Variants in GPR139 observed in about 807,000 individuals in gnomAD.
The protein encoded by GPR139 is probable G protein-coupled receptor 139.
Under a neutral mutation model 25.8 loss-of-function variants are expected in GPR139, and 12 were observed. The observed-to-expected ratio is 0.47, with a 90% confidence interval of 0.30 to 0.75. GPR139 has a LOEUF of 0.75. Among genes scored for constraint, GPR139 ranks in the 30% least tolerant of loss-of-function variants. The probability of loss-of-function intolerance (pLI) is 0.07; values close to 1 mark genes in which losing one functional copy is unlikely to be tolerated. For missense variants in GPR139, 380 were observed against 450.2 expected (o/e 0.84, Z 1.41); for synonymous variants, 184 against 179.9 (o/e 1.02, Z -0.18).
chr16:20,073,252 T>TCACACACACACACACACACA lies in GPR139; in HGVS notation c.127+218_127+237dup. ...AGCCCATCGCCCGCCGTCACAGTCA[T>TCACACACACACACACACACA]CACACACACACACACACACACACAC... On this transcript the variant is annotated intron_variant, in intron 1 of 1. Coordinates refer to ENST00000570682, the MANE Select transcript of GPR139 (RefSeq NM_001002911.4). The surrounding 1 kb of genome is among the most constrained non-coding windows in gnomAD (Gnocchi z 4.7). Among the ~76,000 whole-genome samples the TCACACACACACACACACACA allele has an allele frequency of 6.8e-6, 1 of 147,198 alleles. No individual in the cohort carries two copies. The highest frequency in any genetic ancestry group is 2.2e-4 in the South Asian group (1 of 4,562).
intron 1 of GPR139, among the ~76,000 whole-genome samples, chr16:20,059,528 C>T (rs538764831): frequency 6.6e-6 from 1 of 152,330 alleles, no homozygotes; most frequent in East Asian, 1.9e-4. Context: ...AACACCCTTT[C>T]TTGACCACCC....
chr16:20,071,109 C>T (rs2057458262), intron 1 of GPR139: 1 of 461,900 alleles, frequency 2.2e-6, no homozygotes, highest in African/African-American at 2.1e-5. Context: ...CAGCAACATC[C>T]TTACTTCTCA....
chr16:20,065,572 G>T (rs1451014161), intron 1 of GPR139, among the ~76,000 whole-genome samples: 1 of 152,114 alleles, frequency 6.6e-6, no homozygotes, highest in Non-Finnish European at 1.5e-5. Context: ...AATCGTCAAA[G>T]AATCATAAGT....
intron 1 of GPR139, among the ~76,000 whole-genome samples, chr16:20,056,780 C>T (rs2057389722): frequency 6.6e-6 from 1 of 152,162 alleles, no homozygotes; most frequent in Non-Finnish European, 1.5e-5. Flanking sequence ...ATTGAGCCCA[C>T]TTAAGGCTGA....
chr16:20,055,367 A>G (rs932963061), intron 1 of GPR139, among the ~76,000 whole-genome samples: 6 of 152,152 alleles, frequency 3.9e-5, no homozygotes, highest in African/African-American at 1.4e-4. Flanking sequence ...AGAGGTGGGG[A>G]GAATGGTCAC....
chr16:20,032,004 T>G lies in GPR139; in HGVS notation c.793A>C (p.Ile265Leu). ...APIQNRWLVH[I>L]MSDIANMLAL... ...AGCATGTTGGCAATGTCGGACATGA[T>G]GTGTACCAGCCAGCGGTTCTGGATG... is the stretch of plus-strand genomic sequence containing the variant. The change falls in exon 2 of 2, where the codon ATC becomes CTC. Residue 265 changes from isoleucine (I) to leucine (L), a missense_variant. By Grantham distance (5) the Ile-to-Leu change is conservative. Coordinates refer to ENST00000570682, the MANE Select transcript of GPR139 (RefSeq NM_001002911.4). The G allele has an allele frequency of 6.2e-7, 1 of 1,614,176 alleles. No individual in the cohort carries two copies. The highest frequency in any genetic ancestry group is 2.2e-5 in the East Asian group (1 of 44,874).
intron 1 of GPR139, among the ~76,000 whole-genome samples, chr16:20,045,194 T>C (rs1163444586): frequency 1.3e-5 from 2 of 151,980 alleles, no homozygotes; most frequent in Non-Finnish European, 2.9e-5. Flanking sequence ...GAGACAGGGT[T>C]TCACCATGTT....
rs1026150738 is a variant in GPR139, at chr16:20,030,151, G to A, written c.*1584C>T. On this transcript the variant is annotated 3_prime_UTR_variant, in exon 2 of 2. Coordinates refer to ENST00000570682, the MANE Select transcript of GPR139 (RefSeq NM_001002911.4). ...AAGTTTAGGGTTTGTGTTGCCATGGGGCCTTTTCTTATCCCATTCATTTAT... is the reference window on the plus strand; with the variant it reads ...AAGTTTAGGGTTTGTGTTGCCATGGAGCCTTTTCTTATCCCATTCATTTAT... 6.6e-6 allele frequency among the ~76,000 whole-genome samples: 1 copy of A among 152,022 alleles called. No individual in the cohort carries two copies. Among genetic ancestry groups the A allele is most frequent in the African/African-American group, 2.4e-5 (1 of 41,384 alleles).
rs1326504711 is a variant in GPR139, at chr16:20,052,744, G to A, written c.128-20075C>T. On this transcript the variant is annotated intron_variant, in intron 1 of 1. Transcript: ENST00000570682. Reference sequence around the variant, plus strand: ...CCGGGGAGGCGGAGCTTGGGAGATCGCGCCACTGCACTCAAGCCTGGGTGA... The same window carrying A: ...CCGGGGAGGCGGAGCTTGGGAGATCACGCCACTGCACTCAAGCCTGGGTGA... Among the ~76,000 whole-genome samples the A allele has an allele frequency of 9.4e-5, 14 of 148,412 alleles. No individual in the cohort carries two copies. The East Asian group carries it at 2.2e-3, about 23-fold the overall frequency.
chr16:20,046,712 C>T (rs144433530), intron 1 of GPR139, among the ~76,000 whole-genome samples: 1 of 152,180 alleles, frequency 6.6e-6, no homozygotes, highest in African/African-American at 2.4e-5. Context: ...GAGAACGGCA[C>T]TCGAGGATCT....
chr16:20,048,883 C>G (rs948808686), intron 1 of GPR139, among the ~76,000 whole-genome samples: 1 of 152,182 alleles, frequency 6.6e-6, no homozygotes, highest in African/African-American at 2.4e-5. Context: ...ATTTTAGGAG[C>G]CATTGCCTGA....
chr16:20,033,664 A>G (rs1300011094), intron 1 of GPR139, among the ~76,000 whole-genome samples: 1 of 152,146 alleles, frequency 6.6e-6, no homozygotes, highest in Non-Finnish European at 1.5e-5. Flanking sequence ...AGTAAATTAC[A>G]TTTGTTTTTG....
chr16:20,033,273 A>T (rs553926338), intron 1 of GPR139, among the ~76,000 whole-genome samples: 1 of 150,574 alleles, frequency 6.6e-6, no homozygotes, highest in East Asian at 2.0e-4. Flanking sequence ...GTGAGAGGCG[A>T]TGCTGCCATT....
Position 20,073,252 on chromosome 16 carries a change from T to TCACACACA in GPR139, c.127+230_127+237dup, listed in dbSNP as rs71146300. ...AGCCCATCGCCCGCCGTCACAGTCA[T>TCACACACA]CACACACACACACACACACACACAC... On this transcript the variant is annotated intron_variant, in intron 1 of 1. Coordinates refer to ENST00000570682, the MANE Select transcript of GPR139 (RefSeq NM_001002911.4). The surrounding 1 kb of genome is among the most constrained non-coding windows in gnomAD (Gnocchi z 4.7). Among the ~76,000 whole-genome samples, 37 of 147,104 alleles carry TCACACACA rather than the reference T, an allele frequency of 2.5e-4. No homozygotes were observed. The highest frequency in any genetic ancestry group is 7.3e-4 in the African/African-American group (29 of 39,846).
At chr16:20,069,912 TTG>T (rs1462105372) in intron 1 of GPR139, among the ~76,000 whole-genome samples, 2 of 152,140 alleles carry the variant, frequency 1.3e-5, no homozygotes, top group Admixed American at 1.3e-4. Flanking sequence ...CTGACTTATT[TTG>T]TGTGTCTCGA....
rs1255427340 is a variant in GPR139, at chr16:20,073,873, C to T, written c.-257G>A. ...GCGCTGCGCGGGGCCTCGGGAGGGG[C>T]TCCCGGAGCCCGTCTGTGCGCCTCC... On this transcript the variant is annotated 5_prime_UTR_variant, in exon 1 of 2. Transcript: ENST00000570682. The surrounding 1 kb of genome is among the most constrained non-coding windows in gnomAD (Gnocchi z 4.7). 2 of 423,328 alleles carry T rather than the reference C, an allele frequency of 4.7e-6. No homozygotes were observed. The highest frequency in any genetic ancestry group is 9.5e-5 in the Admixed American group (2 of 20,958). 26.2% of individuals were successfully genotyped at this position (423,328 alleles called of 1,614,324 possible). A position where few individuals can be genotyped will look rare whatever the true frequency, so the allele number is the denominator to read the frequency against.
In GPR139 at chr16:20,030,554, T is replaced by G. The variant is rs2057283995; in HGVS notation, c.*1181A>C. ...AAATAAACACACTTATATTTTATCA[T>G]TTTACAAAGGATCTGGGTTAAATAG... On this transcript the variant is annotated 3_prime_UTR_variant, in exon 2 of 2. Coordinates refer to ENST00000570682, the MANE Select transcript of GPR139 (RefSeq NM_001002911.4). Among the ~76,000 whole-genome samples the G allele has an allele frequency of 6.7e-6, 1 of 150,276 alleles. No individual in the cohort carries two copies. The highest frequency in any genetic ancestry group is 2.1e-4 in the South Asian group (1 of 4,696).
At chr16:20,058,334 A>AGTGTGT (rs56090244) in intron 1 of GPR139, among the ~76,000 whole-genome samples, 1 of 149,788 alleles carries the variant, frequency 6.7e-6, no homozygotes, top group South Asian at 2.1e-4. Context: ...ATGGATGTGG[A>AGTGTGT]GTGTGTGTGT....
chr16:20,039,130 T>C (rs2057321619), intron 1 of GPR139, among the ~76,000 whole-genome samples: 1 of 152,218 alleles, frequency 6.6e-6, no homozygotes, highest in Admixed American at 6.5e-5. Flanking sequence ...AGCCCATGTT[T>C]TGTGACTGCA....
Sources: gnomAD v4.1 joint callset for allele counts (sites outside exome capture counted in the v4.1 genomes callset) on GRCh38, gnomAD v4.1.1 for gene constraint, Gnocchi (gnomAD v3.1) non-coding constraint, MANE v1.5 for transcripts, NCBI Gene and HGNC (gene_info 2026-07-23, HGNC 2026-07-21) for gene names.